The following ARRB1 variants were observed in gnomAD, a reference collection of about 807,000 sequenced individuals.
ARRB1 encodes the protein arrestin beta 1.
A neutral mutation model predicts 56.8 loss-of-function variants in ARRB1; 21 were observed. The ratio of observed to expected loss-of-function variants is 0.37; its 90% CI spans 0.26 to 0.53. The LOEUF (loss-of-function observed/expected upper bound fraction) is 0.53. Ranked by LOEUF, ARRB1 falls within the 20% of genes least tolerant of loss-of-function variation. The pLI, the probability that ARRB1 is intolerant of heterozygous loss-of-function variation, is 0.88. For missense variants in ARRB1, 424 were observed against 553.7 expected (o/e 0.77, Z 2.35); for synonymous variants, 210 against 218.6 (o/e 0.96, Z 0.35).
At chr11:75,320,513 G>T (rs1047160407) in intron 1 of ARRB1, among the ~76,000 whole-genome samples, 28 of 152,212 alleles carry the variant, frequency 1.8e-4, no homozygotes, top group African/African-American at 6.5e-4. Flanking sequence ...AAAGCTTGGG[G>T]GGCTGGATAG....
chr11:75,325,741 C>T (rs891847100), intron 1 of ARRB1, among the ~76,000 whole-genome samples: 2 of 152,212 alleles, frequency 1.3e-5, no homozygotes, highest in African/African-American at 4.8e-5. Flanking sequence ...GCCACCAAAG[C>T]CGCTCCCCAA....
At chr11:75,291,111 G>A (rs1300025601) in intron 1 of ARRB1, among the ~76,000 whole-genome samples, 2 of 152,082 alleles carry the variant, frequency 1.3e-5, no homozygotes, top group Admixed American at 1.3e-4. Context: ...CAGCATTTTG[G>A]GAGGCCGAGG....
chr11:75,278,710 A>G lies in ARRB1; in HGVS notation c.517T>C (p.Tyr173His). 6.2e-7 allele frequency: 1 copy of G among 1,613,416 alleles called. No individual in the cohort carries two copies. The highest frequency in any genetic ancestry group is 8.5e-7 in the Non-Finnish European group (1 of 1,179,648). ...SVRLVIRKVQ[Y>H]APERPGPQPT... ...TGGGGGCCAGGCCTCTCTGGGGCATACTGAACCTTCCGGATGACCAGACGC... is the reference window on the plus strand; with the variant it reads ...TGGGGGCCAGGCCTCTCTGGGGCATGCTGAACCTTCCGGATGACCAGACGC... The change falls in exon 8 of 16, where the codon TAT becomes CAT. Residue 173 changes from tyrosine to histidine, a missense_variant. Transcript: ENST00000420843.
chr11:75,294,100 GTCATGTGT>G (rs1946669309), intron 1 of ARRB1, among the ~76,000 whole-genome samples: 1 of 152,054 alleles, frequency 6.6e-6, no homozygotes, highest in South Asian at 2.1e-4. Flanking sequence ...GTCAGCACTG[GTCATGTGT>G]TCTACACCTG....
At chr11:75,284,466 C>G (rs148824369) in intron 3 of ARRB1, among the ~76,000 whole-genome samples, 187 bp from the exon 4 acceptor site, 73 of 152,314 alleles carry the variant, frequency 4.8e-4, no homozygotes, top group African/African-American at 1.6e-3. Flanking sequence ...TCCCCCATCC[C>G]AGGCCAGTAT....
intron 1 of ARRB1, among the ~76,000 whole-genome samples, chr11:75,296,226 T>C (rs989051055): frequency 6.9e-6 from 1 of 145,406 alleles, no homozygotes; most frequent in African/African-American, 2.6e-5. Context: ...TTTAGCAAAA[T>C]GTTTGTTTCA....
intron 15 of ARRB1, 72 bp from the exon 16 acceptor site, chr11:75,266,346 C>T: frequency 8.0e-7 from 1 of 1,245,576 alleles, no homozygotes; most frequent in African/African-American, 1.5e-5. Context: ...AGAGGCCCGG[C>T]CAGATGTGAC....
At chr11:75,268,562 T>C (rs1395254975) in intron 14 of ARRB1, among the ~76,000 whole-genome samples, 1 of 143,076 alleles carries the variant, frequency 7.0e-6, no homozygotes, top group Non-Finnish European at 1.5e-5. Flanking sequence ...GACAATAGCG[T>C]GTCCAACGGT....
At chr11:75,277,512 G>A (rs1946227773) in intron 8 of ARRB1, 64 bp from the exon 9 acceptor site, 3 of 1,452,858 alleles carry the variant, frequency 2.1e-6, no homozygotes, top group South Asian at 1.1e-5. Flanking sequence ...GAAAGGGGAG[G>A]GAGAAAAGCC....
Position 75,281,131 on chromosome 11 carries a change from C to T in ARRB1, c.426G>A (p.Val142=). The T allele has an allele frequency of 6.3e-7, 1 of 1,598,606 alleles. No individual in the cohort carries two copies. Among genetic ancestry groups the T allele is most frequent in the Non-Finnish European group, 8.5e-7 (1 of 1,172,120 alleles). The change falls in exon 7 of 16, where the codon GTG becomes GTA. Residue 142 remains valine (V), a synonymous_variant. Coordinates refer to ENST00000420843, the MANE Select transcript of ARRB1 (RefSeq NM_004041.5). The stretch of plus-strand genomic sequence containing the variant: ...CGCAGAAGGCTTTGACTTCATAGTC[C>T]ACACCGCAAGCCTGTGGGGAAGGGG... The part of the protein sequence containing the change: ...GPEDTGKACG[V]DYEVKAFCAE...
chr11:75,338,872 C>CCCAT (rs1180250907), intron 1 of ARRB1, among the ~76,000 whole-genome samples: 2 of 152,174 alleles, frequency 1.3e-5, no homozygotes, highest in African/African-American at 4.8e-5. Flanking sequence ...GCAATAGAGA[C>CCCAT]CCATCATAAC....
In ARRB1 at chr11:75,305,092, A is replaced by G. The variant is rs189463095; in HGVS notation, c.21-15053T>C. ...AGGCTAGAATGTGGAATGCAGTGAC[A>G]TGATCTCGGCTCACTGCAACCTCCA... On this transcript the variant is annotated intron_variant, in intron 1 of 15. Transcript: ENST00000420843. 7.6e-4 allele frequency among the ~76,000 whole-genome samples: 107 copies of G among 140,050 alleles called. 2 individuals are homozygous for G. The East Asian group carries it at 0.02, about 26-fold the overall frequency. 91.9% of individuals were successfully genotyped at this position (140,050 alleles called of 152,430 possible).
intron 1 of ARRB1, among the ~76,000 whole-genome samples, chr11:75,312,865 C>T (rs1358911083): frequency 2.0e-5 from 3 of 152,216 alleles, no homozygotes; most frequent in African/African-American, 7.2e-5. Flanking sequence ...TGGATCCCCG[C>T]TAGAGTTTCC....
intron 11 of ARRB1, among the ~76,000 whole-genome samples, 159 bp from the exon 12 acceptor site, chr11:75,273,137 C>T (rs1946108420): frequency 6.6e-6 from 1 of 152,176 alleles, no homozygotes; most frequent in Non-Finnish European, 1.5e-5. Context: ...GGAAGGCGAG[C>T]AGTGCCCTTA....
At chr11:75,307,135 G>A (rs1312522541) in intron 1 of ARRB1, among the ~76,000 whole-genome samples, 2 of 152,168 alleles carry the variant, frequency 1.3e-5, no homozygotes, top group Admixed American at 6.5e-5. Context: ...GGAGTCTCCT[G>A]TCTTCCCTTC....
At chr11:75,312,902 T>G (rs990257026) in intron 1 of ARRB1, among the ~76,000 whole-genome samples, 5 of 152,230 alleles carry the variant, frequency 3.3e-5, no homozygotes, top group African/African-American at 1.2e-4. Context: ...ACAACCCATT[T>G]CAGGACTTTG....
chr11:75,266,316 C>T lies in ARRB1; in HGVS notation c.1146-42G>A, dbSNP rs373652204. 25 of 1,545,824 alleles carry T rather than the reference C, an allele frequency of 1.6e-5. No individual in the cohort carries two copies. The African/African-American group carries it at 3.3e-4, about 20-fold the overall frequency. On this transcript the variant is annotated intron_variant, in intron 15 of 15. Transcript: ENST00000420843. ...GGAAAATGTGGTGTGTTTGCAGGGG[C>T]AGGGAGAGTAGGCTTATCCAGAGGC...
chr11:75,274,062 G>A lies in ARRB1; in HGVS notation c.914+12C>T. 2 of 1,614,110 alleles carry A rather than the reference G, an allele frequency of 1.2e-6. No homozygotes were observed. The highest frequency in any genetic ancestry group is 1.7e-6 in the Non-Finnish European group (2 of 1,179,952). On this transcript the variant is annotated intron_variant, in intron 11 of 15. Coordinates refer to ENST00000420843, the MANE Select transcript of ARRB1 (RefSeq NM_004041.5). ...GCACTAGGAGCCCAGGGCTAGGAGG[G>A]CAGGTCCTCACAGGGTGCTAGAGGC...
At position 75,281,891 on chromosome 11, in the gene ARRB1, G is replaced by A. The variant is rs996317522; in HGVS notation, c.414+71C>T. On this transcript the variant is annotated intron_variant, in intron 6 of 15. Transcript: ENST00000420843. ...GGTCCTGTGTGTCCAGCACCTCCCA[G>A]GGAGAAAGCCAGGGACCTGGGGACA... 1.2e-4 allele frequency: 175 copies of A among 1,520,132 alleles called. 2 individuals carry two copies. In the South Asian group the frequency reaches 1.5e-3, roughly 13 times the overall value. The allele number at this position is 1,520,132 out of a possible 1,614,324, so 94.2% of individuals were successfully genotyped here.
Sources: gnomAD v4.1 joint callset for allele counts (sites outside exome capture counted in the v4.1 genomes callset) on GRCh38, gnomAD v4.1.1 for gene constraint, MANE v1.5 for transcripts, NCBI Gene and HGNC (gene_info 2026-07-23, HGNC 2026-07-21) for gene names.